The following SLC1A3 variants were observed in gnomAD, a reference collection of about 807,000 sequenced individuals.
SLC1A3 encodes excitatory amino acid transporter 1.
A neutral mutation model predicts 48.1 loss-of-function variants in SLC1A3; 21 were observed. That is an observed-to-expected ratio of 0.44 (90% confidence interval 0.31 to 0.63). SLC1A3 has a LOEUF of 0.63. Among genes scored for constraint, SLC1A3 ranks in the 20% least tolerant of loss-of-function variants. The probability of loss-of-function intolerance (pLI) is 0.08; values close to 1 mark genes in which losing one functional copy is unlikely to be tolerated. For missense variants in SLC1A3, 546 were observed against 689.0 expected (o/e 0.79, Z 2.32); for synonymous variants, 239 against 251.4 (o/e 0.95, Z 0.47).
At chr5:36,651,533 C>CCA (rs1741074038) in intron 3 of SLC1A3, among the ~76,000 whole-genome samples, 1 of 125,516 alleles carries the variant, frequency 8.0e-6, no homozygotes, top group Admixed American at 8.2e-5. Flanking sequence ...CACTCCTCCT[C>CCA]CCCACCCTCC....
intron 3 of SLC1A3, chr5:36,630,191 TTCCCA>T (rs2111758953): frequency 6.4e-6 from 1 of 156,338 alleles, no homozygotes; most frequent in East Asian, 1.9e-4. Flanking sequence ...GCGGGAGATT[TTCCCA>T]TCTGAATATT....
chr5:36,636,792 G>A (rs528481112), intron 3 of SLC1A3, among the ~76,000 whole-genome samples: 37 of 152,020 alleles, frequency 2.4e-4, no homozygotes, highest in Middle Eastern at 6.8e-3. Flanking sequence ...CTTCCCTTTC[G>A]AAGGGAGCTT....
At chr5:36,661,390 C>T (rs188288520) in intron 3 of SLC1A3, among the ~76,000 whole-genome samples, 1 of 152,242 alleles carries the variant, frequency 6.6e-6, no homozygotes, top group Admixed American at 6.5e-5. Context: ...CCAGCCTGGG[C>T]AACAGAGCGA....
upstream of SLC1A3, among the ~76,000 whole-genome samples, chr5:36,602,657 C>T (rs145379147): frequency 4.0e-3 from 616 of 152,300 alleles, 12 homozygotes; most frequent in East Asian, 0.054. Context: ...TCATTATGTC[C>T]ACCTGTTGGA....
In SLC1A3 at chr5:36,676,902, A is replaced by C; in HGVS notation, c.578A>C (p.Asn193Thr). 6.2e-7 allele frequency: 1 copy of C among 1,613,114 alleles called. No individual in the cohort carries two copies. Reference protein sequence around the residue: ...VEACFKQFKTNYEKRSFKVPI... With the variant: ...VEACFKQFKTTYEKRSFKVPI... ...CTTTTTATTTTTAAGTTTAAAACCA[A>C]CTATGAGAAGAGAAGCTTTAAAGTG... is the stretch of plus-strand genomic sequence containing the variant. The change falls in exon 6 of 10, where the codon AAC becomes ACC. Residue 193 changes from asparagine to threonine, a missense_variant. By Grantham distance (65) the Asn-to-Thr change is moderately conservative (BLOSUM62 0). Around this residue, in one of 3 missense-constraint regions of SLC1A3, gnomAD observed 348 missense variants for 392.0 expected, o/e 0.89. Transcript: ENST00000265113.
In SLC1A3 at chr5:36,684,025, C is replaced by T. The variant is rs779184276; in HGVS notation, c.1424+27C>T. ...TGAGTATGCTTGGCCTGCATTCCAG[C>T]TCACTGTCACAGGGTCCCCCTCTGT... On this transcript the variant is annotated intron_variant, in intron 9 of 9. Transcript: ENST00000265113. The T allele has an allele frequency of 9.3e-6, 15 of 1,614,054 alleles. 1 individual carries two copies. In the South Asian group the frequency reaches 1.6e-4, roughly 18 times the overall value.
chr5:36,670,631 T>G (rs1336905693), intron 3 of SLC1A3, among the ~76,000 whole-genome samples: 1 of 152,020 alleles, frequency 6.6e-6, no homozygotes, highest in African/African-American at 2.4e-5. Flanking sequence ...GCCAGAAAAA[T>G]GTTTTAAGTA....
At chr5:36,683,273 C>G (rs554609725) in intron 8 of SLC1A3, among the ~76,000 whole-genome samples, 43 of 152,242 alleles carry the variant, frequency 2.8e-4, no homozygotes, top group African/African-American at 1.0e-3. Flanking sequence ...TTAAAAACGA[C>G]TAGAATAATA....
At chr5:36,671,258 T>C (rs1034968308) in intron 4 of SLC1A3, 25 bp downstream of exon 4, 9 of 1,577,730 alleles carry the variant, frequency 5.7e-6, no homozygotes, top group Non-Finnish European at 7.8e-6. Flanking sequence ...GCCCGTCCTT[T>C]GGGGTGTATT....
At chr5:36,647,672 CT>C (rs1740890762) in intron 3 of SLC1A3, among the ~76,000 whole-genome samples, 1 of 152,106 alleles carries the variant, frequency 6.6e-6, no homozygotes, top group Admixed American at 6.6e-5. Flanking sequence ...GAATTTTAAT[CT>C]TTCATGGAAG....
At chr5:36,612,938 G>A (rs939924525) in intron 2 of SLC1A3, 46 of 431,354 alleles carry the variant, frequency 1.1e-4, no homozygotes, top group African/African-American at 6.1e-5. Flanking sequence ...AAGAGAGGTC[G>A]AACTGAAAGC....
chr5:36,680,539 T>G lies in SLC1A3; in HGVS notation c.1239T>G (p.Ile413Met), dbSNP rs781147237. 3.7e-6 allele frequency: 6 copies of G among 1,614,256 alleles called. No homozygotes were observed. Among genetic ancestry groups the G allele is most frequent in the Non-Finnish European group, 4.2e-6 (5 of 1,180,030 alleles). ...ATGAGGCTTTGGCTGCCATTTTCAT[T>G]GCTCAAGTTAACAACTTTGAACTGA... ...ALYEALAAIF[I>M]AQVNNFELNF... The change falls in exon 8 of 10, where the codon ATT (isoleucine) becomes ATG (methionine). Residue 413 changes from isoleucine to methionine, a missense_variant. Ile to Met is a conservative substitution (Grantham distance 10). This residue lies in a region of SLC1A3 where 142 missense variants were observed against 238.0 expected (regional missense o/e 0.60). Coordinates refer to ENST00000265113, the MANE Select transcript of SLC1A3 (RefSeq NM_004172.5).
At chr5:36,633,507 T>A (rs529603056) in intron 3 of SLC1A3, among the ~76,000 whole-genome samples, 2 of 152,182 alleles carry the variant, frequency 1.3e-5, no homozygotes, top group Non-Finnish European at 2.9e-5. Flanking sequence ...TTAACAGCTG[T>A]TTATTGCGCT....
chr5:36,654,032 C>G (rs1741192869), intron 3 of SLC1A3, among the ~76,000 whole-genome samples: 1 of 152,114 alleles, frequency 6.6e-6, no homozygotes, highest in South Asian at 2.1e-4. Flanking sequence ...TTCGTAGAGA[C>G]AGGGTTTTGC....
intron 3 of SLC1A3, among the ~76,000 whole-genome samples, chr5:36,639,510 CA>C (rs1740528407): frequency 6.6e-6 from 1 of 152,208 alleles, no homozygotes; most frequent in Non-Finnish European, 1.5e-5. Context: ...TCTGCTCTTT[CA>C]AATAATTCTG....
At chr5:36,685,988 C>T in intron 9 of SLC1A3, 77 bp from the exon 10 acceptor site, 2 of 1,147,092 alleles carry the variant, frequency 1.7e-6, no homozygotes, top group Non-Finnish European at 2.6e-6. Flanking sequence ...GCTTCGCTGG[C>T]CAGTTCCTAA....
intron 2 of SLC1A3, among the ~76,000 whole-genome samples, chr5:36,624,706 C>T (rs1339938553): frequency 6.6e-6 from 1 of 152,162 alleles, no homozygotes; most frequent in Non-Finnish European, 1.5e-5. Context: ...CACGTTACTA[C>T]CGATGGTTTC....
chr5:36,686,721 G>C lies in SLC1A3; in HGVS notation c.*452G>C. The C allele has an allele frequency of 3.9e-6, 1 of 259,488 alleles. No individual in the cohort carries two copies. The highest frequency in any genetic ancestry group is 7.5e-6 in the Non-Finnish European group (1 of 132,926). 16.1% of individuals were successfully genotyped at this position (259,488 alleles called of 1,614,324 possible). ...ATTACAACCGGTTATCAGTTGGACA[G>C]TAAGATTTTATCCCTTTCTCTTCTG... On this transcript the variant is annotated 3_prime_UTR_variant, in exon 10 of 10. Coordinates refer to ENST00000265113, the MANE Select transcript of SLC1A3 (RefSeq NM_004172.5).
intron 3 of SLC1A3, among the ~76,000 whole-genome samples, chr5:36,644,150 C>T (rs1740744805): frequency 1.4e-5 from 2 of 144,288 alleles, no homozygotes; most frequent in South Asian, 5.0e-4. Context: ...CCCCCCATAG[C>T]AAAGAGATAT....
Sources: allele counts gnomAD v4.1 joint callset (sites outside exome capture counted in the v4.1 genomes callset), GRCh38; gene constraint gnomAD v4.1.1; regional missense constraint gnomAD v4.1.1; transcripts MANE v1.5; gene names NCBI Gene and HGNC (gene_info 2026-07-23, HGNC 2026-07-21).